The following SLC15A4 variants were observed in gnomAD, a reference collection of about 807,000 sequenced individuals.
SLC15A4 encodes hPHT1.
SLC15A4 carries 26 observed loss-of-function variants against 46.1 expected under a neutral mutation model. The ratio of observed to expected loss-of-function variants is 0.56; its 90% confidence interval spans 0.41 to 0.78. The LOEUF (loss-of-function observed/expected upper bound fraction) is 0.78, where lower values mean the gene tolerates loss of function less well. Among genes scored for constraint, SLC15A4 ranks in the 30% least tolerant of loss-of-function variants. The pLI is 0.00. For synonymous variants in SLC15A4, 370 were observed against 333.4 expected, an observed-to-expected ratio of 1.11 and a Z score of -1.20; for missense variants, 751 against 755.7, an observed-to-expected ratio of 0.99 and a Z score of 0.07.
At chr12:128,821,283 C>G (rs924022888) in intron 1 of SLC15A4, among the ~76,000 whole-genome samples, 1 of 152,234 alleles carries the variant, frequency 6.6e-6, no homozygotes, top group Non-Finnish European at 1.5e-5. Context: ...TCCACTGCCT[C>G]CACTCTAGTT....
In SLC15A4 at chr12:128,814,793, C is replaced by G; in HGVS notation, c.824G>C (p.Gly275Ala). 1 of 1,614,126 alleles carries G rather than the reference C, an allele frequency of 6.2e-7. No homozygotes were observed. The highest frequency in any genetic ancestry group is 8.5e-7 in the Non-Finnish European group (1 of 1,179,938). Residue 275 changes from glycine to alanine, a missense_variant, in exon 2 of 8, where the codon GGA becomes GCA. Physicochemically the swap from Gly to Ala is moderately conservative, Grantham distance 60 (BLOSUM62 0). Coordinates refer to ENST00000266771, the MANE Select transcript of SLC15A4 (RefSeq NM_145648.4). Reference protein sequence around the residue: ...TYSCCSQKRSGERQSNGEGIG... With the variant: ...TYSCCSQKRSAERQSNGEGIG... ...TGCTTACCCATTACTCTGGCGCTCT[C>G]CACTTCGCTTCTGGGAACAGCAGGA...
chr12:128,811,186 C>T lies in SLC15A4; in HGVS notation c.843-1075G>A, dbSNP rs376285468. Among the ~76,000 whole-genome samples the T allele has an allele frequency of 2.9e-4, 44 of 152,324 alleles. No homozygotes were observed. The East Asian group carries it at 8.1e-3, about 28-fold the overall frequency. On this transcript the variant is annotated intron_variant, in intron 2 of 7. Transcript: ENST00000266771. Reference sequence around the variant, plus strand: ...GGGTAAAATGGGAAAACAAAGTGCACACTATTCTCTAAAGCCAGAAGTACC... The same window carrying T: ...GGGTAAAATGGGAAAACAAAGTGCATACTATTCTCTAAAGCCAGAAGTACC...
chr12:128,803,819 A>G (rs151236365), intron 5 of SLC15A4, among the ~76,000 whole-genome samples: 289 of 152,004 alleles, frequency 1.9e-3, no homozygotes, highest in African/African-American at 6.1e-3. Context: ...GGCCTACAAC[A>G]TGTCCGGGAC....
At chr12:128,796,058 T>C (rs1955438640) in intron 7 of SLC15A4, among the ~76,000 whole-genome samples, 1 of 152,244 alleles carries the variant, frequency 6.6e-6, no homozygotes, top group Admixed American at 6.5e-5. Flanking sequence ...AGCTGGGTTA[T>C]TCTGGCACTT....
intron 2 of SLC15A4, among the ~76,000 whole-genome samples, chr12:128,811,593 T>C (rs1275127302): frequency 6.6e-6 from 1 of 152,194 alleles, no homozygotes; most frequent in Non-Finnish European, 1.5e-5. Flanking sequence ...TGAAAATAAA[T>C]TCCAAAGACA....
Position 128,797,362 on chromosome 12 carries a change from C to T in SLC15A4, c.1573+1897G>A, listed in dbSNP as rs149725911. Among the ~76,000 whole-genome samples, 391 of 151,030 alleles carry T rather than the reference C, an allele frequency of 2.6e-3. 1 individual carries two copies. Among genetic ancestry groups the T allele is most frequent in the Middle Eastern group, 6.8e-3 (2 of 294 alleles). On this transcript the variant is annotated intron_variant, in intron 7 of 7. Coordinates refer to ENST00000266771, the MANE Select transcript of SLC15A4 (RefSeq NM_145648.4). ...ACAGGCGAGGGTAACCTGTGGGGAC[C>T]AACGCTGGAATAGAACAGGTTTACC...
chr12:128,800,517 G>C (rs1357489641), intron 6 of SLC15A4, among the ~76,000 whole-genome samples: 1 of 152,250 alleles, frequency 6.6e-6, no homozygotes, highest in Non-Finnish European at 1.5e-5. Context: ...CGCACTGAGA[G>C]CTGTGAGCTC....
At chr12:128,815,290 C>G in intron 1 of SLC15A4, 2 of 220,038 alleles carry the variant, frequency 9.1e-6, no homozygotes, top group Non-Finnish European at 8.3e-6. Context: ...CTTAATTACA[C>G]TAAATTCCAA....
chr12:128,819,648 G>A (rs1451021663), intron 1 of SLC15A4: 1 of 152,182 alleles, frequency 6.6e-6, no homozygotes, highest in Non-Finnish European at 1.5e-5. Flanking sequence ...CGCTGCAGGG[G>A]GCGGCCAGGT....
chr12:128,805,120 C>CG (rs973845158), intron 5 of SLC15A4, among the ~76,000 whole-genome samples: 9 of 152,014 alleles, frequency 5.9e-5, no homozygotes, highest in Admixed American at 4.6e-4. Flanking sequence ...CAAAGGCAGC[C>CG]GGGGGGAGAT....
intron 2 of SLC15A4, 46 bp downstream of exon 2, chr12:128,814,729 C>T (rs372045411): frequency 8.2e-6 from 13 of 1,585,178 alleles, no homozygotes; most frequent in Non-Finnish European, 1.1e-5. Context: ...ATAAAGAGAT[C>T]GATAAAGTCC....
Position 128,794,196 on chromosome 12 carries a change from T to C in SLC15A4, c.1734A>G (p.Ter578TrpextTer3), listed in dbSNP as rs775700055. The C allele has an allele frequency of 4.9e-5, 79 of 1,609,994 alleles. No individual in the cohort carries two copies. In the East Asian group the frequency reaches 1.8e-3, roughly 36 times the overall value. Residue 578 changes from the stop codon to tryptophan (W), a stop_lost, in exon 8 of 8, where the codon TGA becomes TGG. Transcript: ENST00000266771. ...GAAACCGCACATGGCCTCAGGAAGGTCAGGCCCTCCTGCTGGTGGGCACGC... is the reference window on the plus strand; with the variant it reads ...GAAACCGCACATGGCCTCAGGAAGGCCAGGCCCTCCTGCTGGTGGGCACGC... The part of the protein sequence containing the change: ...ANGVPTSRRA[*>W]
intron 5 of SLC15A4, among the ~76,000 whole-genome samples, chr12:128,806,086 C>T (rs1057476775): frequency 6.8e-6 from 1 of 147,424 alleles, no homozygotes; most frequent in Admixed American, 7.0e-5. Context: ...AGGAGAATGG[C>T]GTGAACCCGG....
chr12:128,818,622 C>T (rs1383984156), intron 1 of SLC15A4, among the ~76,000 whole-genome samples: 1 of 152,216 alleles, frequency 6.6e-6, no homozygotes, highest in Admixed American at 6.5e-5. Flanking sequence ...TGTTTTTTCA[C>T]TATGATTCAC....
rs1955883280 is a variant in SLC15A4 at position 128,823,559 on chromosome 12, G to C, written c.385C>G (p.Arg129Gly). 1 of 1,441,674 alleles carries C rather than the reference G, an allele frequency of 6.9e-7. No homozygotes were observed. Among genetic ancestry groups the C allele is most frequent in the Admixed American group, 2.8e-5 (1 of 35,654 alleles). The allele number at this position is 1,441,674 out of a possible 1,614,324, so 89.3% of individuals were successfully genotyped here. The change falls in exon 1 of 8, where the codon CGA (arginine) becomes GGA (glycine). Residue 129 changes from arginine (R) to glycine (G), a missense_variant. Transcript: ENST00000266771. Reference protein sequence around the residue: ...AFPLLAAPATRAALCGSARLL... With the variant: ...AFPLLAAPATGAALCGSARLL... ...CGCGCGGAACCGCAGAGCGCGGCTC[G>C]CGTGGCGGGCGCGGCCAGCAGCGGG... is the stretch of plus-strand genomic sequence containing the variant.
chr12:128,807,011 T>C lies in SLC15A4; in HGVS notation c.1258+1777A>G, dbSNP rs1955597948. 3.4e-5 allele frequency among the ~76,000 whole-genome samples: 5 copies of C among 147,654 alleles called. No homozygotes were observed. In the Admixed American group the frequency reaches 3.5e-4, roughly 10 times the overall value. ...CTCCACCTCCCGGTTCAAGCGACTCTCCTGCCTCAACCTCCCGAGTAGCTG... is the reference window on the plus strand; with the variant it reads ...CTCCACCTCCCGGTTCAAGCGACTCCCCTGCCTCAACCTCCCGAGTAGCTG... On this transcript the variant is annotated intron_variant, in intron 5 of 7. Coordinates refer to ENST00000266771, the MANE Select transcript of SLC15A4 (RefSeq NM_145648.4).
In SLC15A4 at chr12:128,794,101, C is replaced by T; in HGVS notation, c.*95G>A. 2.5e-6 allele frequency: 3 copies of T among 1,204,898 alleles called. No homozygotes were observed. Among genetic ancestry groups the T allele is most frequent in the Non-Finnish European group, 3.5e-6 (3 of 861,952 alleles). 74.6% of individuals were successfully genotyped at this position (1,204,898 alleles called of 1,614,324 possible). On this transcript the variant is annotated 3_prime_UTR_variant, in exon 8 of 8. Coordinates refer to ENST00000266771, the MANE Select transcript of SLC15A4 (RefSeq NM_145648.4). ...ACATGCAAGTTTCAGTGAAGTCAGACATTTTATGGGAATTTAAAGTCTTGC... is the reference window on the plus strand; with the variant it reads ...ACATGCAAGTTTCAGTGAAGTCAGATATTTTATGGGAATTTAAAGTCTTGC...
At chr12:128,809,891 GT>G in intron 3 of SLC15A4, 51 bp downstream of exon 3, 1 of 1,566,622 alleles carries the variant, frequency 6.4e-7, no homozygotes, top group Non-Finnish European at 8.7e-7. Context: ...AAGTGCTAGG[GT>G]AAGACTTCAT....
intron 5 of SLC15A4, among the ~76,000 whole-genome samples, chr12:128,806,722 G>A (rs11835674): frequency 0.015 from 2,336 of 152,192 alleles, 65 homozygotes; most frequent in African/African-American, 0.051. Context: ...CACACATGCT[G>A]TGAACTTTCC....
Sources: gnomAD v4.1 joint callset for allele counts (sites outside exome capture counted in the v4.1 genomes callset) on GRCh38, gnomAD v4.1.1 for gene constraint, MANE v1.5 for transcripts, NCBI Gene and HGNC (gene_info 2026-07-23, HGNC 2026-07-21) for gene names.